Variants in PRKG1 observed in about 807,000 individuals in gnomAD.
PRKG1 encodes the protein cGMP-dependent protein kinase 1.
Under a neutral mutation model 88.1 loss-of-function variants are expected in PRKG1, and 35 were observed. The ratio of observed to expected loss-of-function variants is 0.40; its 90% CI spans 0.30 to 0.53. The LOEUF is 0.53. Among genes scored for constraint, PRKG1 ranks in the 20% least tolerant of loss-of-function variants. The probability of loss-of-function intolerance (pLI) is 0.59; values close to 1 mark genes in which losing one functional copy is unlikely to be tolerated. For missense variants in PRKG1, 540 were observed against 839.8 expected, an observed-to-expected ratio of 0.64 and a Z score of 4.41; for synonymous variants, 303 against 292.5, an observed-to-expected ratio of 1.04 and a Z score of -0.37.
intron 4 of PRKG1, among the ~76,000 whole-genome samples, chr10:51,823,585 CAT>C (rs1839804045): frequency 6.6e-6 from 1 of 151,212 alleles, no homozygotes; most frequent in Admixed American, 6.6e-5. Flanking sequence ...ACTTATGACA[CAT>C]GTCAGAGAAT....
At chr10:52,123,295 A>G (rs532041511) in intron 7 of PRKG1, among the ~76,000 whole-genome samples, 1 of 152,308 alleles carries the variant, frequency 6.6e-6, no homozygotes, top group East Asian at 1.9e-4. Context: ...CAGGAAGTGA[A>G]TTCATATAAT....
At chr10:51,329,579 G>T (rs1048178943) in intron 2 of PRKG1, among the ~76,000 whole-genome samples, 1 of 152,210 alleles carries the variant, frequency 6.6e-6, no homozygotes, top group African/African-American at 2.4e-5. Context: ...TCAGCTTAAA[G>T]AATTCTGTCT....
chr10:51,262,762 A>AAG (rs542716519), intron 2 of PRKG1, among the ~76,000 whole-genome samples: 116 of 152,010 alleles, frequency 7.6e-4, no homozygotes, highest in African/African-American at 2.7e-3. Flanking sequence ...GGCAACAGAA[A>AAG]AGAGAGAGAG....
chr10:51,840,574 C>T (rs1038236722), intron 4 of PRKG1, among the ~76,000 whole-genome samples: 3 of 150,556 alleles, frequency 2.0e-5, no homozygotes, highest in Non-Finnish European at 1.5e-5. Flanking sequence ...GAGACAAAGT[C>T]TCCCTTTTGT....
At chr10:51,604,422 T>C (rs982377184) in intron 3 of PRKG1, among the ~76,000 whole-genome samples, 2 of 152,208 alleles carry the variant, frequency 1.3e-5, no homozygotes, top group Non-Finnish European at 2.9e-5. Context: ...TGTATTACAA[T>C]AAATAACTAA....
chr10:51,330,417 C>T (rs964945308), intron 2 of PRKG1, among the ~76,000 whole-genome samples: 1 of 152,134 alleles, frequency 6.6e-6, no homozygotes, highest in Non-Finnish European at 1.5e-5. Flanking sequence ...TCCCAAAGTG[C>T]TGGGATTACA....
intron 1 of PRKG1, among the ~76,000 whole-genome samples, chr10:51,015,888 G>A (rs1220470517): frequency 7.3e-5 from 11 of 151,322 alleles, no homozygotes; most frequent in Admixed American, 5.3e-4. Flanking sequence ...ACTCTGTCTC[G>A]AAAAAAAGAA....
intron 3 of PRKG1, among the ~76,000 whole-genome samples, chr10:51,651,223 A>G (rs1381725228): frequency 1.3e-5 from 2 of 152,184 alleles, no homozygotes; most frequent in Non-Finnish European, 2.9e-5. Flanking sequence ...CAGGCATGAT[A>G]TTCAAAGGCT....
rs146933170 is a variant in PRKG1 at position 51,105,482 on chromosome 10, G to A, written c.311+30581G>A. 2.2e-3 allele frequency among the ~76,000 whole-genome samples: 340 copies of A among 152,298 alleles called. 1 individual carries two copies. Among genetic ancestry groups the A allele is most frequent in the African/African-American group, 7.9e-3 (328 of 41,572 alleles). ...AAATTCTTTTTGTTTCAAAGACAGT[G>A]CACGAAGGGAGAAAAGAAGGTTGAG... On this transcript the variant is annotated intron_variant, in intron 1 of 17. Transcript: ENST00000373980.
intron 4 of PRKG1, among the ~76,000 whole-genome samples, chr10:51,872,953 A>G (rs1841197537): frequency 6.6e-6 from 1 of 151,908 alleles, no homozygotes; most frequent in African/African-American, 2.4e-5. Flanking sequence ...TTTATATAAA[A>G]TTTTCTTTAC....
Position 51,718,974 on chromosome 10 carries a change from ATC to A in PRKG1, c.593-85607_593-85606del, listed in dbSNP as rs745572649. Among the ~76,000 whole-genome samples the A allele has an allele frequency of 1.1e-3, 162 of 152,300 alleles. 2 individuals carry two copies. The Middle Eastern group carries it at 0.017, about 16-fold the overall frequency. On this transcript the variant is annotated intron_variant, in intron 3 of 17. Coordinates refer to ENST00000373980, the MANE Select transcript of PRKG1 (RefSeq NM_006258.4). ...CCAGATTAAATAACAAAGGAAGACTATCTCTACAAAAAATTTTAAAAATTATC... is the reference window on the plus strand; with the variant it reads ...CCAGATTAAATAACAAAGGAAGACTATCTACAAAAAATTTTAAAAATTATC...
intron 3 of PRKG1, among the ~76,000 whole-genome samples, chr10:51,494,926 C>A (rs1840809574): frequency 6.6e-6 from 1 of 152,110 alleles, no homozygotes; most frequent in African/African-American, 2.4e-5. Flanking sequence ...CTTGAAAAAT[C>A]AGGTAGGTTT....
intron 1 of PRKG1, chr10:51,148,350 T>C (rs1486609425): frequency 1.2e-6 from 1 of 826,988 alleles, no homozygotes; most frequent in African/African-American, 1.9e-5. Flanking sequence ...TGAGTGATGT[T>C]TTTGGTTAAA....
chr10:51,172,643 TG>T (rs1837071351), intron 2 of PRKG1, among the ~76,000 whole-genome samples: 1 of 53,814 alleles, frequency 1.9e-5, no homozygotes, highest in Admixed American at 2.3e-4. Context: ...TATGTATGTA[TG>T]TATGTATCTA....
intron 1 of PRKG1, among the ~76,000 whole-genome samples, chr10:51,141,664 T>TA (rs1252390083): frequency 1.3e-5 from 2 of 152,210 alleles, no homozygotes; most frequent in Non-Finnish European, 2.9e-5. Flanking sequence ...ATTCAAGTTA[T>TA]AAAATCACAT....
rs540296918 is a variant in PRKG1, at chr10:51,304,861, A to G, written c.478+151531A>G. 7.2e-5 allele frequency among the ~76,000 whole-genome samples: 11 copies of G among 152,132 alleles called. No homozygotes were observed. The East Asian group carries it at 1.4e-3, about 19-fold the overall frequency. On this transcript the variant is annotated intron_variant, in intron 2 of 17. Coordinates refer to ENST00000373980, the MANE Select transcript of PRKG1 (RefSeq NM_006258.4). ...GTATTCCATGGTGTATATGTGCCAC[A>G]TATCTTACAGATGAAGAAATGGGGG...
At chr10:52,214,431 A>T (rs1005134743) in intron 9 of PRKG1, among the ~76,000 whole-genome samples, 1 of 152,176 alleles carries the variant, frequency 6.6e-6, no homozygotes. Context: ...ACATCTAAGG[A>T]ATCATCACCG....
intron 7 of PRKG1, among the ~76,000 whole-genome samples, chr10:52,133,572 T>C (rs936417565): frequency 2.0e-5 from 3 of 152,114 alleles, no homozygotes; most frequent in Non-Finnish European, 4.4e-5. Flanking sequence ...CCAAAGGGAA[T>C]GATATCAAAT....
chr10:51,116,226 A>G (rs1396371450), intron 1 of PRKG1, among the ~76,000 whole-genome samples: 1 of 152,230 alleles, frequency 6.6e-6, no homozygotes, highest in Non-Finnish European at 1.5e-5. Flanking sequence ...TCCACGGTAG[A>G]CTGGCGGAAC....
Sources: allele counts gnomAD v4.1 joint callset (sites outside exome capture counted in the v4.1 genomes callset), GRCh38; gene constraint gnomAD v4.1.1; transcripts MANE v1.5; gene names NCBI Gene and HGNC (gene_info 2026-07-23, HGNC 2026-07-21).